NUCB1: variants seen among roughly 807,000 people sequenced by gnomAD.
NUCB1 encodes nucleobindin 1.
NUCB1 carries 47 observed loss-of-function variants against 61.2 expected under a neutral mutation model. The observed-to-expected ratio is 0.77, with a 90% confidence interval of 0.61 to 0.98. NUCB1 has a LOEUF of 0.98. Among genes scored for constraint, NUCB1 ranks in the 50% least tolerant of loss-of-function variants. The pLI, the probability that NUCB1 is intolerant of heterozygous loss-of-function variation, is 0.00. For missense variants in NUCB1, 583 were observed against 605.3 expected, an observed-to-expected ratio of 0.96 and a Z score of 0.39; for synonymous variants, 234 against 243.1, an observed-to-expected ratio of 0.96 and a Z score of 0.35.
chr19:48,921,940 C>A lies in NUCB1; in HGVS notation c.1279+8C>A, dbSNP rs749334638. ...AGTTCCACCCAGACACAGGTGCTGG[C>A]CCTAGTCCAGGGAGGAGGGGCTGCA... On this transcript the variant is annotated splice_region_variant and intron_variant, in intron 12 of 12. Transcript: ENST00000405315. The A allele has an allele frequency of 5.1e-6, 8 of 1,579,226 alleles. No individual in the cohort carries two copies. The South Asian group carries it at 7.9e-5, about 16-fold the overall frequency.
intron 5 of NUCB1, 139 bp downstream of exon 5, chr19:48,911,391 G>T: frequency 8.5e-6 from 4 of 469,284 alleles, no homozygotes; most frequent in East Asian, 3.6e-5. Flanking sequence ...GGGCTGAGTC[G>T]TTTCTTTTCT....
intron 2 of NUCB1, among the ~76,000 whole-genome samples, chr19:48,901,529 C>T (rs748154272): frequency 1.1e-4 from 16 of 152,142 alleles, no homozygotes; most frequent in Non-Finnish European, 1.6e-4. Flanking sequence ...TTTGGGAGGC[C>T]GAGACAGGCG....
intron 5 of NUCB1, among the ~76,000 whole-genome samples, chr19:48,912,276 C>G (rs1408637901): frequency 6.6e-6 from 1 of 151,954 alleles, no homozygotes; most frequent in Non-Finnish European, 1.5e-5. Context: ...TCCTCCCACC[C>G]TAGCCTCCCA....
chr19:48,901,148 A>G, intron 2 of NUCB1: 1 of 619,286 alleles, frequency 1.6e-6, no homozygotes, highest in Non-Finnish European at 2.9e-6. Context: ...TCACGCCCCA[A>G]CTAAACGTCT....
intron 4 of NUCB1, among the ~76,000 whole-genome samples, chr19:48,906,603 G>A (rs1308826904): frequency 6.6e-6 from 1 of 151,846 alleles, no homozygotes; most frequent in Non-Finnish European, 1.5e-5. Context: ...GCATGCCTGT[G>A]GTCCCACCTC....
chr19:48,910,853 T>A (rs2122182089), intron 4 of NUCB1: 1 of 253,098 alleles, frequency 4.0e-6, no homozygotes, highest in Non-Finnish European at 7.8e-6. Flanking sequence ...CATAAAACCC[T>A]TGTTGTCAGG....
At chr19:48,917,205 A>C (rs1457515040) in intron 7 of NUCB1, among the ~76,000 whole-genome samples, 1 of 152,214 alleles carries the variant, frequency 6.6e-6, no homozygotes, top group Admixed American at 6.5e-5. Flanking sequence ...CCTGGGTGAC[A>C]GAGTGAGACC....
rs1470343326 is a variant in NUCB1, at chr19:48,918,787, G to T, written c.816+3G>T. 20 of 1,613,420 alleles carry T rather than the reference G, an allele frequency of 1.2e-5. No homozygotes were observed. The highest frequency in any genetic ancestry group is 1.6e-5 in the Non-Finnish European group (19 of 1,179,516). On this transcript the variant is annotated splice_donor_region_variant and intron_variant, in intron 8 of 12. Transcript: ENST00000405315. ...TGGAGGCACTCTTCACCAAGGAGGT[G>T]AGCATCTTGGAAGCCTCGGGCACCT...
At chr19:48,908,055 T>C (rs2122175392) in intron 4 of NUCB1, among the ~76,000 whole-genome samples, 1 of 152,300 alleles carries the variant, frequency 6.6e-6, no homozygotes, top group Admixed American at 6.5e-5. Flanking sequence ...TTTGTGTCCT[T>C]GGTATTCCTT....
In NUCB1 at chr19:48,919,260, T is replaced by C. The variant is rs200877328; in HGVS notation, c.976T>C (p.Phe326Leu). ...EFLASTQRKE[F>L]GDTGEGWETV... ...CCTCGCATCCACTCAGAGGAAGGAG[T>C]TTGGGGACACCGGGGAGGGCTGGGA... The change falls in exon 10 of 13, where the codon TTT (phenylalanine) becomes CTT (leucine). Residue 326 changes from phenylalanine (F) to leucine (L), a missense_variant. Transcript: ENST00000405315. 90 of 1,613,450 alleles carry C rather than the reference T, an allele frequency of 5.6e-5. No individual in the cohort carries two copies. The East Asian group carries it at 1.8e-3, about 32-fold the overall frequency.
chr19:48,922,349 C>A lies in NUCB1; in HGVS notation c.1311C>A (p.Asp437Glu). 1 of 1,613,800 alleles carries A rather than the reference C, an allele frequency of 6.2e-7. No homozygotes were observed. Among genetic ancestry groups the A allele is most frequent in the Non-Finnish European group, 8.5e-7 (1 of 1,179,792 alleles). ...TACCTGTCCCAGCTCCAGCCGGTGA[C>A]CAGAAGGAGGTGGACACTTCAGAAA... ...DDVPVPAPAGDQKEVDTSEKK... is the reference protein window; with the variant it reads ...DDVPVPAPAGEQKEVDTSEKK... Residue 437 changes from aspartate (D) to glutamate (E), a missense_variant, in exon 13 of 13, where the codon GAC (aspartate) becomes GAA (glutamate). Coordinates refer to ENST00000405315, the MANE Select transcript of NUCB1 (RefSeq NM_006184.6).
chr19:48,901,111 C>A, intron 2 of NUCB1, 180 bp downstream of exon 2: 1 of 595,292 alleles, frequency 1.7e-6, no homozygotes, highest in Non-Finnish European at 2.9e-6. Flanking sequence ...CTGGAGGTCC[C>A]TGACTCTGAG....
At chr19:48,905,989 C>T in intron 4 of NUCB1, 104 bp downstream of exon 4, 1 of 1,230,894 alleles carries the variant, frequency 8.1e-7, no homozygotes, top group Non-Finnish European at 1.1e-6. Context: ...AGGCCTCCCT[C>T]CCCGCTGCGA....
rs1282070911 is a variant in NUCB1, at chr19:48,919,418, C to T, written c.1002+132C>T. On this transcript the variant is annotated intron_variant, in intron 10 of 12. Coordinates refer to ENST00000405315, the MANE Select transcript of NUCB1 (RefSeq NM_006184.6). ...TTCTCCTGGGTCACTGCATCTCTAT[C>T]TCTGGGTCTCTGTTTTCCCCTGTCT... 3 of 565,210 alleles carry T rather than the reference C, an allele frequency of 5.3e-6. No individual in the cohort carries two copies. In the African/African-American group the frequency reaches 5.6e-5, roughly 11 times the overall value. The allele number at this position is 565,210 out of a possible 1,614,324, so 35.0% of individuals were successfully genotyped here. A position where few individuals can be genotyped will look rare whatever the true frequency, so the allele number is the denominator to read the frequency against.
intron 5 of NUCB1, among the ~76,000 whole-genome samples, chr19:48,912,497 A>G (rs2037485299): frequency 6.6e-6 from 1 of 152,158 alleles, no homozygotes; most frequent in Admixed American, 6.6e-5. Flanking sequence ...TTGAATAAAG[A>G]GAAGAAAGTG....
At position 48,913,002 on chromosome 19, in the gene NUCB1, T is replaced by C. The variant is rs2037493943; in HGVS notation, c.481-9T>C. ...GGGCAGAGGGGAATGACCCTGTGCCTTTCCCCAGGCCACCCGGGACCTTGC... is the reference window on the plus strand; with the variant it reads ...GGGCAGAGGGGAATGACCCTGTGCCCTTCCCCAGGCCACCCGGGACCTTGC... On this transcript the variant is annotated splice_polypyrimidine_tract_variant and intron_variant, in intron 5 of 12. Transcript: ENST00000405315. The C allele has an allele frequency of 6.3e-7, 1 of 1,598,088 alleles. No homozygotes were observed. The highest frequency in any genetic ancestry group is 8.5e-7 in the Non-Finnish European group (1 of 1,171,594).
intron 7 of NUCB1, among the ~76,000 whole-genome samples, chr19:48,915,258 C>T (rs963380050): frequency 6.6e-6 from 1 of 151,996 alleles, no homozygotes; most frequent in Admixed American, 6.6e-5. Context: ...GCGGGTGGGT[C>T]CCTTGAGGCC....
Position 48,901,059 on chromosome 19 carries a change from C to T in NUCB1, c.135+128C>T, listed in dbSNP as rs1250072418. 6 of 1,106,864 alleles carry T rather than the reference C, an allele frequency of 5.4e-6. No individual in the cohort carries two copies. In the East Asian group the frequency reaches 1.3e-4, roughly 23 times the overall value. 68.6% of individuals were successfully genotyped at this position (1,106,864 alleles called of 1,614,324 possible). ...CCTACAGTTGTAGCTTGTTTTTTGC[C>T]CACCATTCCTCCCAGCAGCAGGGGT... On this transcript the variant is annotated intron_variant, in intron 2 of 12. Transcript: ENST00000405315.
intron 5 of NUCB1, among the ~76,000 whole-genome samples, chr19:48,911,694 C>T (rs995645489): frequency 3.3e-5 from 5 of 152,054 alleles, no homozygotes; most frequent in Admixed American, 2.6e-4. Flanking sequence ...GTGTCAGCCA[C>T]CGCACCCAGC....
Sources: allele counts gnomAD v4.1 joint callset (sites outside exome capture counted in the v4.1 genomes callset), GRCh38; gene constraint gnomAD v4.1.1; transcripts MANE v1.5; gene names NCBI Gene and HGNC (gene_info 2026-07-23, HGNC 2026-07-21).